The following SYT16 variants were observed in gnomAD, a reference collection of about 807,000 sequenced individuals.
SYT16 encodes the protein synaptotagmin 16.
A neutral mutation model predicts 61.4 loss-of-function variants in SYT16; 42 were observed. That is an observed-to-expected ratio of 0.68 (90% CI 0.53 to 0.89). The LOEUF (loss-of-function observed/expected upper bound fraction) is 0.89. SYT16 is among the 40% of genes least tolerant of loss of function. The pLI, the probability that SYT16 is intolerant of heterozygous loss-of-function variation, is 0.00. For synonymous variants in SYT16, 314 were observed against 302.3 expected (o/e 1.04, Z -0.40); for missense variants, 804 against 807.3 (o/e 1.00, Z 0.05).
intron 3 of SYT16, among the ~76,000 whole-genome samples, chr14:62,019,080 T>C (rs976839114): frequency 3.3e-5 from 5 of 152,240 alleles, no homozygotes; most frequent in Non-Finnish European, 7.3e-5. Context: ...TTTAGTTTTG[T>C]AATCAGTGGA....
intron 3 of SYT16, among the ~76,000 whole-genome samples, chr14:62,024,891 T>G (rs533816208): frequency 3.9e-5 from 6 of 152,140 alleles, no homozygotes; most frequent in Non-Finnish European, 7.4e-5. Context: ...ATATAGTATA[T>G]AGGTGTTTCA....
chr14:62,073,761 A>AC (rs1555381400), intron 4 of SYT16, among the ~76,000 whole-genome samples: 1 of 152,090 alleles, frequency 6.6e-6, no homozygotes, highest in Non-Finnish European at 1.5e-5. Context: ...ACTCTGGTGA[A>AC]CCCCTGTCAC....
intron 1 of SYT16, among the ~76,000 whole-genome samples, chr14:61,850,309 A>AT (rs2046574920): frequency 1.3e-5 from 2 of 151,262 alleles, no homozygotes; most frequent in South Asian, 2.1e-4. Context: ...TAATTTTTGT[A>AT]TTTTTAGTAG....
At chr14:61,885,964 ATT>A (rs561369300) in intron 1 of SYT16, among the ~76,000 whole-genome samples, 20 of 137,960 alleles carry the variant, frequency 1.4e-4, no homozygotes, top group Admixed American at 1.5e-4. Context: ...GGCTGTGGCA[ATT>A]TTTTTTTTTT....
intron 3 of SYT16, among the ~76,000 whole-genome samples, chr14:62,006,743 C>A (rs1388758511): frequency 1.3e-5 from 2 of 152,058 alleles, no homozygotes; most frequent in Non-Finnish European, 2.9e-5. Flanking sequence ...GCTATGACAC[C>A]TTTGATATGT....
At position 62,044,201 on chromosome 14, in the gene SYT16, GA is replaced by G. The variant is rs201971671; in HGVS notation, c.524-25389del. On this transcript the variant is annotated intron_variant, in intron 3 of 7. Transcript: ENST00000683842. Reference sequence around the variant, plus strand: ...GGTGACAGAGCAAGACCCTGTCTTTGAAAAAAAAAAAAATAGGAAACGAAAG... The same window carrying G: ...GGTGACAGAGCAAGACCCTGTCTTTGAAAAAAAAAAAATAGGAAACGAAAG... Among the ~76,000 whole-genome samples the G allele has an allele frequency of 7.5e-3, 1,032 of 138,242 alleles. 8 individuals are homozygous for G. Among genetic ancestry groups the G allele is most frequent in the East Asian group, 0.048 (234 of 4,852 alleles). The allele number at this position is 138,242 out of a possible 152,430, so 90.7% of individuals were successfully genotyped here.
intron 1 of SYT16, among the ~76,000 whole-genome samples, chr14:61,859,235 C>T (rs575923059): frequency 9.9e-5 from 15 of 152,232 alleles, no homozygotes; most frequent in Non-Finnish European, 1.3e-4. Context: ...TGGGAGCTTG[C>T]GCTAGTGAAT....
At chr14:61,941,055 C>T (rs965111179) in intron 1 of SYT16, among the ~76,000 whole-genome samples, 5 of 152,140 alleles carry the variant, frequency 3.3e-5, no homozygotes, top group African/African-American at 4.8e-5. Context: ...AAAGTTTGGA[C>T]GGGCATGTTA....
chr14:61,923,747 A>G (rs145520611), intron 1 of SYT16, among the ~76,000 whole-genome samples: 2 of 152,204 alleles, frequency 1.3e-5, no homozygotes, highest in South Asian at 2.1e-4. Flanking sequence ...GACTGTTACA[A>G]CTTAATTATC....
intron 6 of SYT16, among the ~76,000 whole-genome samples, chr14:62,082,286 G>A (rs10151105): frequency 0.57 from 86,555 of 151,924 alleles, 26,637 homozygotes; most frequent in African/African-American, 0.82. Context: ...AGATCTGTCT[G>A]CTTAAATGTC....
intron 1 of SYT16, among the ~76,000 whole-genome samples, chr14:61,956,281 C>A (rs766537840): frequency 2.0e-5 from 3 of 151,996 alleles, no homozygotes; most frequent in Admixed American, 6.6e-5. Context: ...GTTTCCTTTG[C>A]TGTGCAGAAA....
chr14:61,862,213 T>A (rs2046986800), intron 1 of SYT16, among the ~76,000 whole-genome samples: 1 of 152,224 alleles, frequency 6.6e-6, no homozygotes, highest in Admixed American at 6.5e-5. Context: ...ACCACATTCA[T>A]CTTGTAGAAC....
At chr14:61,825,943 G>A (rs2045758115) in intron 1 of SYT16, among the ~76,000 whole-genome samples, 1 of 152,170 alleles carries the variant, frequency 6.6e-6, no homozygotes, top group South Asian at 2.1e-4. Flanking sequence ...ATTGTCAGGA[G>A]CACTTCCTGC....
At chr14:62,088,488 AT>A (rs566165804) in intron 7 of SYT16, among the ~76,000 whole-genome samples, 16 of 152,306 alleles carry the variant, frequency 1.1e-4, no homozygotes, top group Non-Finnish European at 2.4e-4. Flanking sequence ...TGATGGGAAT[AT>A]TCTGTATTTT....
chr14:61,870,566 A>G (rs1260007067), intron 1 of SYT16, among the ~76,000 whole-genome samples: 1 of 151,874 alleles, frequency 6.6e-6, no homozygotes, highest in Non-Finnish European at 1.5e-5. Flanking sequence ...TTTTTGCTAC[A>G]CTTCTTTTCT....
chr14:61,884,978 A>C (rs1327277033), intron 1 of SYT16, among the ~76,000 whole-genome samples: 1 of 152,234 alleles, frequency 6.6e-6, no homozygotes, highest in Non-Finnish European at 1.5e-5. Context: ...ACATGGGGCC[A>C]TAAACGTAAT....
At chr14:61,823,442 A>T (rs1201687446) in intron 1 of SYT16, among the ~76,000 whole-genome samples, 2 of 151,944 alleles carry the variant, frequency 1.3e-5, no homozygotes, top group Non-Finnish European at 2.9e-5. Flanking sequence ...GAAAAGCATG[A>T]TAGAGGCTGG....
At position 62,082,642 on chromosome 14, in the gene SYT16, C is replaced by T. The variant is rs147611243; in HGVS notation, c.1434+1368C>T. 8.5e-5 allele frequency among the ~76,000 whole-genome samples: 13 copies of T among 152,294 alleles called. No homozygotes were observed. In the East Asian group the frequency reaches 2.5e-3, roughly 29 times the overall value. ...AGCCAGATGATGTCTCAGCTCTGCT[C>T]AGATCTCCCTTTTTTCTTAATATCT... On this transcript the variant is annotated intron_variant, in intron 6 of 7. Transcript: ENST00000683842.
intron 1 of SYT16, among the ~76,000 whole-genome samples, chr14:61,880,719 C>G (rs2047671427): frequency 6.6e-6 from 1 of 151,540 alleles, no homozygotes; most frequent in Non-Finnish European, 1.5e-5. Context: ...GTTTTTGTTT[C>G]TATTGTAAAT....
Sources: allele counts gnomAD v4.1 joint callset (sites outside exome capture counted in the v4.1 genomes callset), GRCh38; gene constraint gnomAD v4.1.1; transcripts MANE v1.5; gene names NCBI Gene and HGNC (gene_info 2026-07-23, HGNC 2026-07-21).